AGBL1: variants seen among roughly 807,000 people sequenced by gnomAD.
AGBL1 encodes cytosolic carboxypeptidase 4.
AGBL1 carries 130 observed loss-of-function variants against 118.9 expected under a neutral mutation model. The observed-to-expected ratio is 1.09, with a 90% CI of 0.95 to 1.26. The LOEUF is 1.26. Among genes scored for constraint, AGBL1 ranks in the 50% most tolerant of loss-of-function variants. AGBL1 has a pLI of 0.00. For synonymous variants in AGBL1, 555 were observed against 478.9 expected (o/e 1.16, Z -2.08); for missense variants, 1,584 against 1,298.1 (o/e 1.22, Z -3.38).
chr15:86,666,782 C>T (rs1012906361), intron 21 of AGBL1, among the ~76,000 whole-genome samples: 3 of 152,060 alleles, frequency 2.0e-5, no homozygotes, highest in African/African-American at 4.8e-5. Flanking sequence ...TATTATTATG[C>T]TTATTATAAT....
intron 22 of AGBL1, among the ~76,000 whole-genome samples, chr15:86,720,540 G>A (rs776870130): frequency 2.0e-5 from 3 of 152,160 alleles, no homozygotes; most frequent in Non-Finnish European, 4.4e-5. Context: ...TGAGATATGT[G>A]GCTATAGATG....
intron 22 of AGBL1, among the ~76,000 whole-genome samples, chr15:86,758,032 C>G (rs1007421522): frequency 2.6e-5 from 4 of 152,036 alleles, no homozygotes; most frequent in Non-Finnish European, 5.9e-5. Flanking sequence ...TTATCAGGGC[C>G]TTTGAAGTTC....
intron 17 of AGBL1, among the ~76,000 whole-genome samples, chr15:86,326,238 C>T (rs1264576280): frequency 6.6e-6 from 1 of 151,970 alleles, no homozygotes. Flanking sequence ...ATAATGTATA[C>T]CCTTTCAGTC....
chr15:86,225,106 G>C (rs573652849), intron 6 of AGBL1, among the ~76,000 whole-genome samples, 155 bp downstream of exon 6: 1 of 148,664 alleles, frequency 6.7e-6, no homozygotes, highest in African/African-American at 2.5e-5. Flanking sequence ...AAGTGATAAA[G>C]TCATGTCGTG....
chr15:86,675,175 C>A (rs952338090), intron 22 of AGBL1, among the ~76,000 whole-genome samples: 1 of 152,126 alleles, frequency 6.6e-6, no homozygotes, highest in African/African-American at 2.4e-5. Flanking sequence ...ATTGCCCACA[C>A]TTTGAGTGTC....
At chr15:86,177,981 A>G (rs2077503762) in intron 5 of AGBL1, among the ~76,000 whole-genome samples, 1 of 152,218 alleles carries the variant, frequency 6.6e-6, no homozygotes, top group East Asian at 1.9e-4. Context: ...TAAGCAATTC[A>G]ATCAAAAGTT....
chr15:86,787,617 C>T (rs2078432206), intron 22 of AGBL1, among the ~76,000 whole-genome samples: 1 of 152,174 alleles, frequency 6.6e-6, no homozygotes, highest in Middle Eastern at 3.4e-3. Context: ...GGATAATGTT[C>T]CTTTGTATAC....
At chr15:86,151,112 A>G (rs765385401) in intron 3 of AGBL1, among the ~76,000 whole-genome samples, 41 of 146,084 alleles carry the variant, frequency 2.8e-4, no homozygotes, top group Non-Finnish European at 3.8e-4. Context: ...ATGAGAACAC[A>G]TGGACACAGG....
chr15:87,013,419 C>G (rs921375459), intron 24 of AGBL1, among the ~76,000 whole-genome samples: 3 of 152,138 alleles, frequency 2.0e-5, no homozygotes, highest in Non-Finnish European at 2.9e-5. Context: ...TTTTCAGCAA[C>G]TAAAGCTGAA....
chr15:86,207,980 T>C (rs2078023188), intron 5 of AGBL1, among the ~76,000 whole-genome samples: 1 of 149,688 alleles, frequency 6.7e-6, no homozygotes, highest in African/African-American at 2.5e-5. Flanking sequence ...TATTTTGAGA[T>C]ACGTCCCATC....
chr15:86,963,568 T>C (rs777138108), intron 23 of AGBL1, among the ~76,000 whole-genome samples: 21 of 151,944 alleles, frequency 1.4e-4, no homozygotes, highest in Non-Finnish European at 2.1e-4. Flanking sequence ...TCAGGAAACA[T>C]ACATGACAAA....
chr15:86,889,561 G>A (rs530965047), intron 22 of AGBL1, among the ~76,000 whole-genome samples: 4 of 152,082 alleles, frequency 2.6e-5, no homozygotes, highest in East Asian at 3.9e-4. Context: ...GGCCCCCAAC[G>A]GCAGGCCCCA....
At chr15:86,173,012 G>T (rs1378032087) in intron 5 of AGBL1, among the ~76,000 whole-genome samples, 1 of 151,844 alleles carries the variant, frequency 6.6e-6, no homozygotes, top group Non-Finnish European at 1.5e-5. Context: ...GCCAGCATCT[G>T]TTATTTTTTT....
In AGBL1 at chr15:86,172,662, C is replaced by T. The variant is rs116884832; in HGVS notation, c.488+13636C>T. Among the ~76,000 whole-genome samples, 312 of 152,262 alleles carry T rather than the reference C, an allele frequency of 2.0e-3. 6 individuals carry two copies. The East Asian group carries it at 0.057, about 28-fold the overall frequency. On this transcript the variant is annotated intron_variant, in intron 5 of 22. Coordinates refer to ENST00000614907, the MANE Select transcript of AGBL1 (RefSeq NM_001386094.1). The stretch of plus-strand genomic sequence containing the variant: ...ATGACCTTCAGATCCATCCATGTTG[C>T]TGCAAATGACAGGATTTCATTCTTG...
intron 22 of AGBL1, among the ~76,000 whole-genome samples, chr15:86,853,405 T>C (rs1343648779): frequency 1.3e-5 from 2 of 152,196 alleles, no homozygotes; most frequent in Non-Finnish European, 2.9e-5. Flanking sequence ...TAAATAAAAT[T>C]AGCTATTATT....
intron 24 of AGBL1, among the ~76,000 whole-genome samples, chr15:86,996,118 C>A (rs2081378113): frequency 6.6e-6 from 1 of 152,154 alleles, no homozygotes; most frequent in African/African-American, 2.4e-5. Context: ...AGCCTCCTAG[C>A]CCTGCTATGG....
rs535778081 is a variant in AGBL1 at position 86,408,704 on chromosome 15, C to T, written c.2555+11158C>T. ...TGAGTGTTTGGATGAAAATGTCAATCTGGGTTCTGGTTCTACCCTGTTTAT... is the reference window on the plus strand; with the variant it reads ...TGAGTGTTTGGATGAAAATGTCAATTTGGGTTCTGGTTCTACCCTGTTTAT... On this transcript the variant is annotated intron_variant, in intron 18 of 22. Coordinates refer to ENST00000614907, the MANE Select transcript of AGBL1 (RefSeq NM_001386094.1). Among the ~76,000 whole-genome samples, 12 of 152,272 alleles carry T rather than the reference C, an allele frequency of 7.9e-5. 1 individual carries two copies. The South Asian group carries it at 1.9e-3, about 24-fold the overall frequency.
At chr15:86,169,344 G>C (rs572564690) in intron 5 of AGBL1, among the ~76,000 whole-genome samples, 1 of 152,326 alleles carries the variant, frequency 6.6e-6, no homozygotes, top group African/African-American at 2.4e-5. Context: ...GCAGGAAATG[G>C]AGGGAACAAT....
chr15:86,297,407 G>T (rs2079663019), intron 17 of AGBL1, among the ~76,000 whole-genome samples: 1 of 152,148 alleles, frequency 6.6e-6, no homozygotes, highest in South Asian at 2.1e-4. Context: ...GAGCTCTCCT[G>T]CTTAGAAGGG....
Sources: gnomAD v4.1 joint callset for allele counts (sites outside exome capture counted in the v4.1 genomes callset) on GRCh38, gnomAD v4.1.1 for gene constraint, MANE v1.5 for transcripts, NCBI Gene and HGNC (gene_info 2026-07-23, HGNC 2026-07-21) for gene names.